CLIP1: variants seen among roughly 807,000 people sequenced by gnomAD.
The protein encoded by CLIP1 is CAP-Gly domain-containing linker protein 1.
Under a neutral mutation model 161.6 loss-of-function variants are expected in CLIP1, and 66 were observed. The ratio of observed to expected loss-of-function variants is 0.41; its 90% CI spans 0.33 to 0.50. The LOEUF (loss-of-function observed/expected upper bound fraction) is 0.50, where lower values mean the gene tolerates loss of function less well. CLIP1 is among the 20% of genes least tolerant of loss of function. CLIP1 has a pLI of 0.27. For missense variants in CLIP1, 1,376 were observed against 1,702.0 expected, an observed-to-expected ratio of 0.81 and a Z score of 3.37; for synonymous variants, 598 against 626.2, an observed-to-expected ratio of 0.96 and a Z score of 0.67.
chr12:122,289,615 T>G (rs1956012146), intron 20 of CLIP1, among the ~76,000 whole-genome samples: 1 of 152,148 alleles, frequency 6.6e-6, no homozygotes, highest in Non-Finnish European at 1.5e-5. Context: ...CAAGCATTAT[T>G]CAAGCATTTG....
Position 122,311,718 on chromosome 12 carries a change from C to T in CLIP1, c.3474-1836G>A, listed in dbSNP as rs1032126388. Among the ~76,000 whole-genome samples, 2 of 152,174 alleles carry T rather than the reference C, an allele frequency of 1.3e-5. No individual in the cohort carries two copies. The highest frequency in any genetic ancestry group is 2.4e-5 in the African/African-American group (1 of 41,440). ...GATTACAGGCATGAGCCACCGCGCC[C>T]GGCCAAAATTATTGTTTTAAAATTT... On this transcript the variant is annotated intron_variant, in intron 19 of 25. Coordinates refer to ENST00000620786, the MANE Select transcript of CLIP1 (RefSeq NM_001247997.2). This position sits in a 1 kb window ranked among gnomAD's most constrained non-coding sequence, Gnocchi z 4.3.
intron 20 of CLIP1, among the ~76,000 whole-genome samples, chr12:122,297,139 G>A (rs929143579): frequency 1.3e-5 from 2 of 152,098 alleles, no homozygotes; most frequent in African/African-American, 2.4e-5. Context: ...ATCATAGTTC[G>A]GGGAACACTG....
chr12:122,292,120 T>C (rs1006769206), intron 20 of CLIP1, among the ~76,000 whole-genome samples: 1 of 151,860 alleles, frequency 6.6e-6, no homozygotes, highest in East Asian at 1.9e-4. Context: ...GCCTCCCAAG[T>C]AGCTGGGATT....
intron 10 of CLIP1, among the ~76,000 whole-genome samples, chr12:122,346,833 GGAA>G (rs1305951412): frequency 6.6e-6 from 1 of 152,196 alleles, no homozygotes; most frequent in Non-Finnish European, 1.5e-5. Context: ...CCGAGCGACA[GGAA>G]GGAGGGAGAT....
intron 20 of CLIP1, 122 bp downstream of exon 20, chr12:122,309,640 G>T: frequency 1.7e-6 from 2 of 1,171,792 alleles, no homozygotes; most frequent in African/African-American, 1.5e-5. Flanking sequence ...CAGGTAACTT[G>T]GAATTCCATT....
intron 9 of CLIP1, among the ~76,000 whole-genome samples, chr12:122,347,877 G>A (rs982020076): frequency 5.3e-5 from 8 of 152,154 alleles, no homozygotes; most frequent in African/African-American, 1.9e-4. Context: ...ACATTAATGT[G>A]TATGTAACTG....
intron 1 of CLIP1, among the ~76,000 whole-genome samples, chr12:122,413,942 A>G (rs1302130055): frequency 6.6e-6 from 1 of 152,010 alleles, no homozygotes; most frequent in East Asian, 1.9e-4. Flanking sequence ...GGGCCAGGAT[A>G]TTACCCCAGA....
At chr12:122,381,749 C>A (rs1247822157) in intron 1 of CLIP1, among the ~76,000 whole-genome samples, 1 of 152,222 alleles carries the variant, frequency 6.6e-6, no homozygotes, top group Non-Finnish European at 1.5e-5. Context: ...CCAGGGATGA[C>A]AAAGGTACAT....
chr12:122,351,577 G>A (rs1044033088), intron 8 of CLIP1, among the ~76,000 whole-genome samples: 1 of 152,190 alleles, frequency 6.6e-6, no homozygotes, highest in Non-Finnish European at 1.5e-5. Context: ...AATCAGAGTT[G>A]CTGTTTGGAA....
intron 10 of CLIP1, 65 bp from the exon 11 acceptor site, chr12:122,341,762 C>CCTTTTTTTTTTTTTTTTTTTTTTTTTTT (rs1566143047): frequency 1.0e-5 from 1 of 96,018 alleles, no homozygotes; most frequent in East Asian, 1.8e-4. Flanking sequence ...ATTTTCTTTT[C>CCTTTTTTTTTTTTTTTTTTTTTTTTTTT]TTTTTTTTTT....
rs1952238175 is a variant in CLIP1 at position 122,336,666 on chromosome 12, A to G, written c.2534T>C (p.Val845Ala). 1 of 1,610,626 alleles carries G rather than the reference A, an allele frequency of 6.2e-7. No individual in the cohort carries two copies. The highest frequency in any genetic ancestry group is 1.7e-5 in the Admixed American group (1 of 59,904). ...LQENLSEVSQ[V>A]KETLEKELQI... ...AAGTTCTTTTTCCAAAGTCTCTTTCACTTGACTGACTTCACTCAAATTTTC... is the reference window on the plus strand; with the variant it reads ...AAGTTCTTTTTCCAAAGTCTCTTTCGCTTGACTGACTTCACTCAAATTTTC... The change falls in exon 12 of 26, where the codon GTG becomes GCG. Residue 845 changes from valine (V) to alanine (A), a missense_variant. Val to Ala is a moderately conservative substitution (Grantham distance 64). This residue lies in a region of CLIP1 where 948 missense variants were observed against 1,134.8 expected (regional missense o/e 0.84). Coordinates refer to ENST00000620786, the MANE Select transcript of CLIP1 (RefSeq NM_001247997.2).
intron 1 of CLIP1, among the ~76,000 whole-genome samples, chr12:122,390,931 G>A (rs1011174157): frequency 1.3e-5 from 2 of 152,126 alleles, no homozygotes; most frequent in African/African-American, 2.4e-5. Flanking sequence ...CTACGCACCA[G>A]GGAGTAGGGC....
chr12:122,380,561 G>A lies in CLIP1; in HGVS notation c.-106-3C>T. On this transcript the variant is annotated splice_region_variant and splice_polypyrimidine_tract_variant and intron_variant, in intron 1 of 25. Transcript: ENST00000620786. ...TGAAGTCAGTCTCTGGATTAAATCT[G>A]CAAAGAGAAAGAAATAAAAAGATTT... 1.8e-6 allele frequency: 1 copy of A among 571,298 alleles called. No homozygotes were observed. Among genetic ancestry groups the A allele is most frequent in the Non-Finnish European group, 3.0e-6 (1 of 328,458 alleles). 35.4% of individuals were successfully genotyped at this position (571,298 alleles called of 1,614,324 possible).
intron 15 of CLIP1, among the ~76,000 whole-genome samples, chr12:122,329,876 G>C (rs1278903993): frequency 6.6e-6 from 1 of 152,162 alleles, no homozygotes; most frequent in Non-Finnish European, 1.5e-5. Flanking sequence ...CCTGCACTTT[G>C]GGAGGCAGAG....
rs1056358067 is a variant in CLIP1, at chr12:122,375,192, T to A, written c.657+2197A>T. ...AAAAAAAATCACTAAATTCTGAGGT[T>A]CTAGAATGTAGAGCATGTAGACCTT... On this transcript the variant is annotated intron_variant, in intron 3 of 25. Coordinates refer to ENST00000620786, the MANE Select transcript of CLIP1 (RefSeq NM_001247997.2). Among the ~76,000 whole-genome samples, 3 of 152,136 alleles carry A rather than the reference T, an allele frequency of 2.0e-5. No homozygotes were observed. In the South Asian group the frequency reaches 6.2e-4, roughly 32 times the overall value.
chr12:122,375,942 A>T (rs1185418486), intron 3 of CLIP1, among the ~76,000 whole-genome samples: 1 of 150,488 alleles, frequency 6.6e-6, no homozygotes, highest in Admixed American at 6.7e-5. Context: ...TGTCCGGCTT[A>T]TTTTAATTTT....
At chr12:122,276,315 A>G in intron 24 of CLIP1, 1 of 1,127,632 alleles carries the variant, frequency 8.9e-7, no homozygotes, top group Non-Finnish European at 1.1e-6. Context: ...CTAAGTCATT[A>G]TCGTGTTAAG....
chr12:122,362,684 T>G (rs1260884144), intron 4 of CLIP1, among the ~76,000 whole-genome samples: 2 of 127,018 alleles, frequency 1.6e-5, no homozygotes, highest in Admixed American at 8.4e-5. Flanking sequence ...CATTGAAAAT[T>G]TTTAATATCT....
chr12:122,377,548 G>T lies in CLIP1; in HGVS notation c.498C>A (p.Asn166Lys), dbSNP rs1954804708. The change falls in exon 3 of 26, where the codon AAC becomes AAA. Residue 166 changes from asparagine (N) to lysine (K), a missense_variant. Around this residue, in one of 6 missense-constraint regions of CLIP1, gnomAD observed 119 missense variants for 112.0 expected, o/e 1.06. Transcript: ENST00000620786. Reference sequence around the variant, plus strand: ...CTGGCTGTGATGGTTTCTGAGGGATGTTTGAAGGGGTGGAGGGGGAGGAAG... The same window carrying T: ...CTGGCTGTGATGGTTTCTGAGGGATTTTTGAAGGGGTGGAGGGGGAGGAAG... The part of the protein sequence containing the change: ...MVSSSPSTPS[N>K]IPQKPSQPAA... 2.5e-6 allele frequency: 4 copies of T among 1,613,902 alleles called. No individual in the cohort carries two copies. The highest frequency in any genetic ancestry group is 1.3e-5 in the African/African-American group (1 of 74,846).
Sources: gnomAD v4.1 joint callset for allele counts (sites outside exome capture counted in the v4.1 genomes callset) on GRCh38, gnomAD v4.1.1 for gene constraint, gnomAD v4.1.1 regional missense constraint, Gnocchi (gnomAD v3.1) non-coding constraint, MANE v1.5 for transcripts, NCBI Gene and HGNC (gene_info 2026-07-23, HGNC 2026-07-21) for gene names.